TG: variants seen among roughly 807,000 people sequenced by gnomAD.
The protein encoded by TG is thyroglobulin.
In TG, 270 loss-of-function variants were observed where a neutral mutation model predicts 324.7. The observed-to-expected ratio is 0.83, with a 90% CI of 0.75 to 0.92. The LOEUF is 0.92. Among genes scored for constraint, TG ranks in the 40% least tolerant of loss-of-function variants. The pLI is 0.00. For missense variants in TG, 3,591 were observed against 3,456.4 expected (o/e 1.04, Z -0.98); for synonymous variants, 1,401 against 1,327.0 (o/e 1.06, Z -1.21).
chr8:132,973,287 A>T (rs1485732166), intron 34 of TG, among the ~76,000 whole-genome samples: 2 of 152,218 alleles, frequency 1.3e-5, no homozygotes, highest in Non-Finnish European at 2.9e-5. Flanking sequence ...CAATCAAGAC[A>T]ATGTACCACA....
chr8:133,125,443 C>A (rs1851441915), intron 45 of TG, among the ~76,000 whole-genome samples: 4 of 152,178 alleles, frequency 2.6e-5, no homozygotes, highest in Non-Finnish European at 4.4e-5. Context: ...TCATCAAAGG[C>A]CAAGGCCCTA....
At chr8:132,883,097 T>G in intron 8 of TG, 98 bp downstream of exon 8, 1 of 1,353,680 alleles carries the variant, frequency 7.4e-7, no homozygotes, top group Non-Finnish European at 1.0e-6. Context: ...TTCAACTGCC[T>G]TCTAGTGTGC....
intron 18 of TG, among the ~76,000 whole-genome samples, chr8:132,908,931 G>A (rs1819097739): frequency 6.6e-6 from 1 of 152,186 alleles, no homozygotes; most frequent in Non-Finnish European, 1.5e-5. Context: ...GAAATAGAAG[G>A]TCAGAGTTTC....
intron 23 of TG, among the ~76,000 whole-genome samples, chr8:132,930,512 C>T (rs1822549813): frequency 6.6e-6 from 1 of 152,060 alleles, no homozygotes; most frequent in Non-Finnish European, 1.5e-5. Flanking sequence ...GAAACCCCGT[C>T]TCTACTAAAA....
chr8:132,924,495 A>C (rs1433023436), intron 22 of TG, among the ~76,000 whole-genome samples: 1 of 152,142 alleles, frequency 6.6e-6, no homozygotes, highest in Non-Finnish European at 1.5e-5. Context: ...CTTTCAGTCT[A>C]TTTCCTGAGA....
intron 42 of TG, among the ~76,000 whole-genome samples, chr8:133,095,770 C>T (rs939869475): frequency 2.0e-5 from 3 of 152,220 alleles, no homozygotes; most frequent in African/African-American, 4.8e-5. Context: ...ATGGCCTGAT[C>T]GCCTTAGCAA....
At chr8:133,069,191 G>A (rs1843566242) in intron 41 of TG, among the ~76,000 whole-genome samples, 1 of 152,350 alleles carries the variant, frequency 6.6e-6, no homozygotes, top group Non-Finnish European at 1.5e-5. Flanking sequence ...TAGGCACAGG[G>A]ACTATAAAGT....
At chr8:133,072,300 C>T (rs1165671187) in intron 41 of TG, among the ~76,000 whole-genome samples, 8 of 152,184 alleles carry the variant, frequency 5.3e-5, no homozygotes, top group African/African-American at 1.9e-4. Flanking sequence ...CCTCCCTTAG[C>T]GGTTCTCAGA....
intron 41 of TG, among the ~76,000 whole-genome samples, chr8:133,079,102 G>C (rs1845351582): frequency 6.6e-6 from 1 of 152,126 alleles, no homozygotes. Context: ...AAGAAGCAAA[G>C]ACAAAAACAC....
At chr8:132,891,447 A>G (rs1236609194) in intron 10 of TG, among the ~76,000 whole-genome samples, 1 of 152,118 alleles carries the variant, frequency 6.6e-6, no homozygotes, top group African/African-American at 2.4e-5. Context: ...CGATCCTCCC[A>G]CCTCAGCTTC....
At position 132,922,432 on chromosome 8, in the gene TG, C is replaced by T. The variant is rs184379242; in HGVS notation, c.4529-906C>T. ...ATACCTGGTCTGTGCCTTTCTGGAA[C>T]GTCTATCGAGTGGGAGGCAGGCAGT... On this transcript the variant is annotated intron_variant, in intron 21 of 47. Coordinates refer to ENST00000220616, the MANE Select transcript of TG (RefSeq NM_003235.5). Among the ~76,000 whole-genome samples, 484 of 152,286 alleles carry T rather than the reference C, an allele frequency of 3.2e-3. 1 individual carries two copies. Among genetic ancestry groups the T allele is most frequent in the Middle Eastern group, 0.027 (8 of 294 alleles).
At position 133,108,147 on chromosome 8, in the gene TG, AT is replaced by A. The variant is rs36055969; in HGVS notation, c.7573-5264del. ...CAGGTGTGTGCCACCACACCTGGCTATTTTTTTTTTTCGTATTTTTAGTAGA... is the reference window on the plus strand; with the variant it reads ...CAGGTGTGTGCCACCACACCTGGCTATTTTTTTTTTCGTATTTTTAGTAGA... On this transcript the variant is annotated intron_variant, in intron 43 of 47. Transcript: ENST00000220616. Among the ~76,000 whole-genome samples the A allele has an allele frequency of 8.4e-4, 119 of 141,590 alleles. 1 individual carries two copies. Among genetic ancestry groups the A allele is most frequent in the Admixed American group, 2.7e-3 (39 of 14,304 alleles). The allele number at this position is 141,590 out of a possible 152,430, so 92.9% of individuals were successfully genotyped here.
Position 132,935,843 on chromosome 8 carries a change from C to T in TG, c.5020C>T (p.Pro1674Ser), listed in dbSNP as rs1275249189. 12 of 1,612,364 alleles carry T rather than the reference C, an allele frequency of 7.4e-6. No homozygotes were observed. In the African/African-American group the frequency reaches 1.5e-4, roughly 20 times the overall value. ...VKVRSHGQDS[P>S]AVYLKKGQGS... ...AGTGAGGAGCCATGGTCAAGATTCT[C>T]CAGCTGTGTATTTGAAAAAGGGTAG... Residue 1674 changes from proline (P) to serine (S), a missense_variant, in exon 25 of 48, where the codon CCA becomes TCA. By Grantham distance (74) the Pro-to-Ser change is moderately conservative. Coordinates refer to ENST00000220616, the MANE Select transcript of TG (RefSeq NM_003235.5).
chr8:132,930,934 C>G (rs577639998), intron 23 of TG, among the ~76,000 whole-genome samples: 29 of 152,306 alleles, frequency 1.9e-4, no homozygotes, highest in African/African-American at 6.5e-4. Flanking sequence ...GCAGAGCAAT[C>G]CAAGACAAGC....
At chr8:132,995,201 A>C in intron 35 of TG, 1 of 954,370 alleles carries the variant, frequency 1.0e-6, no homozygotes, top group African/African-American at 1.8e-5. Context: ...TCTAAGCCCC[A>C]GTTTCTTTAA....
chr8:133,127,422 A>C (rs904177203), intron 45 of TG, among the ~76,000 whole-genome samples: 1 of 152,132 alleles, frequency 6.6e-6, no homozygotes, highest in Admixed American at 6.5e-5. Flanking sequence ...TGTGGCAGAG[A>C]GGTAAGCTTG....
intron 26 of TG, among the ~76,000 whole-genome samples, chr8:132,944,056 G>T (rs767655296): frequency 6.6e-6 from 1 of 152,140 alleles, no homozygotes; most frequent in Non-Finnish European, 1.5e-5. Context: ...ACATCCGTTA[G>T]GAATCTCAAA....
At chr8:133,091,016 A>G (rs924326673) in intron 41 of TG, among the ~76,000 whole-genome samples, 8 of 152,002 alleles carry the variant, frequency 5.3e-5, no homozygotes, top group South Asian at 2.1e-4. Flanking sequence ...AGTGGCTTCA[A>G]CTCTACCCTG....
chr8:133,078,229 G>A (rs1392257243), intron 41 of TG, among the ~76,000 whole-genome samples: 1 of 152,190 alleles, frequency 6.6e-6, no homozygotes. Flanking sequence ...CTGGGAATTA[G>A]GGCTTGGAAG....
Sources: allele counts gnomAD v4.1 joint callset (sites outside exome capture counted in the v4.1 genomes callset), GRCh38; gene constraint gnomAD v4.1.1; transcripts MANE v1.5; gene names NCBI Gene and HGNC (gene_info 2026-07-23, HGNC 2026-07-21).